PIP4K2B: variants seen among roughly 807,000 people sequenced by gnomAD.
PIP4K2B encodes phosphatidylinositol-5-phosphate 4-kinase type 2 beta, also known as phosphatidylinositol 5-phosphate 4-kinase type-2 beta.
In PIP4K2B, 3 loss-of-function variants were observed where a neutral mutation model predicts 42.0. The observed-to-expected ratio is 0.07, with a 90% CI of 0.03 to 0.18. The LOEUF is 0.18. Ranked by LOEUF, PIP4K2B falls within the 10% of genes least tolerant of loss-of-function variation. The probability of loss-of-function intolerance (pLI) is 1.00; values close to 1 mark genes in which losing one functional copy is unlikely to be tolerated. For synonymous variants in PIP4K2B, 204 were observed against 210.1 expected (o/e 0.97, Z 0.25); for missense variants, 332 against 562.3 (o/e 0.59, Z 4.14).
intron 2 of PIP4K2B, among the ~76,000 whole-genome samples, chr17:38,786,318 G>T (rs766916015): frequency 3.9e-5 from 6 of 152,204 alleles, no homozygotes; most frequent in Non-Finnish European, 7.3e-5. Flanking sequence ...TCAGACACTG[G>T]TGCTAATCCA....
At chr17:38,773,032 C>T (rs1231879568) in intron 7 of PIP4K2B, among the ~76,000 whole-genome samples, 2 of 152,154 alleles carry the variant, frequency 1.3e-5, no homozygotes, top group Non-Finnish European at 2.9e-5. Context: ...GGGTTCAGTA[C>T]TATCTGTGGC....
intron 5 of PIP4K2B, among the ~76,000 whole-genome samples, 185 bp downstream of exon 5, chr17:38,779,196 CCT>C (rs1909540934): frequency 6.6e-6 from 1 of 152,206 alleles, no homozygotes; most frequent in Non-Finnish European, 1.5e-5. Flanking sequence ...TAAATAATCT[CCT>C]GTTACTGTCA....
chr17:38,799,278 C>A lies in PIP4K2B; in HGVS notation c.147G>T (p.Gly49=), dbSNP rs751760782. 6.2e-7 allele frequency: 1 copy of A among 1,601,848 alleles called. No homozygotes were observed. The highest frequency in any genetic ancestry group is 8.5e-7 in the Non-Finnish European group (1 of 1,175,426). The part of the protein sequence containing the change: ...SEPILSVLMW[G]VNHTINELSN... ...AGGAGCTGGTTACCGTGTGGTTCAC[C>A]CCCCACATCAGGACGCTGAGGATCG... The change falls in exon 1 of 10, where the codon GGG becomes GGT. Residue 49 remains glycine, a synonymous_variant. Transcript: ENST00000619039. This position sits in a 1 kb window ranked among gnomAD's most constrained non-coding sequence, Gnocchi z 4.4.
chr17:38,795,131 TGAAAAAG>T (rs1317650444), intron 1 of PIP4K2B, among the ~76,000 whole-genome samples: 1 of 98,592 alleles, frequency 1.0e-5, no homozygotes, highest in African/African-American at 3.8e-5. Flanking sequence ...AAAAGAAAAA[TGAAAAAG>T]ACAACTCAAT....
chr17:38,790,207 C>T (rs1910271085), intron 1 of PIP4K2B, among the ~76,000 whole-genome samples: 1 of 152,180 alleles, frequency 6.6e-6, no homozygotes, highest in African/African-American at 2.4e-5. Flanking sequence ...CCAGAAGAGT[C>T]ATGCCAGTTC....
chr17:38,783,471 C>G lies in PIP4K2B; in HGVS notation c.354+772G>C, dbSNP rs919304436. On this transcript the variant is annotated intron_variant, in intron 3 of 9. Coordinates refer to ENST00000619039, the MANE Select transcript of PIP4K2B (RefSeq NM_003559.5). ...CAGACCAACTCCCCACTCCCACCAC[C>G]AGGATAGGGCACAAGTTTAGGAGGT... 5.3e-5 allele frequency among the ~76,000 whole-genome samples: 8 copies of G among 152,314 alleles called. No individual in the cohort carries two copies. The South Asian group carries it at 1.7e-3, about 32-fold the overall frequency.
Position 38,777,950 on chromosome 17 carries a change from C to T in PIP4K2B, c.694-150G>A. 6.3e-6 allele frequency: 4 copies of T among 630,652 alleles called. No individual in the cohort carries two copies. The East Asian group carries it at 8.2e-5, about 13-fold the overall frequency. The allele number at this position is 630,652 out of a possible 1,614,324, so 39.1% of individuals were successfully genotyped here. A position where few individuals can be genotyped will look rare whatever the true frequency, so the allele number is the denominator to read the frequency against. ...ACCTGCTAAATCAGCAGTGCAGGAG[C>T]CTCTAGTCCCAGGCTTTGGGTGGGC... On this transcript the variant is annotated intron_variant, in intron 6 of 9. Transcript: ENST00000619039.
At chr17:38,778,709 G>A (rs1909508828) in intron 5 of PIP4K2B, among the ~76,000 whole-genome samples, 2 of 152,196 alleles carry the variant, frequency 1.3e-5, no homozygotes, top group South Asian at 4.1e-4. Context: ...GGAGGAGCAG[G>A]ACACTCTGAA....
At chr17:38,786,466 T>A (rs976153657) in intron 2 of PIP4K2B, among the ~76,000 whole-genome samples, 6 of 152,082 alleles carry the variant, frequency 3.9e-5, no homozygotes, top group African/African-American at 1.4e-4. Flanking sequence ...CCTGGCAACC[T>A]CCTGCCTCAG....
At chr17:38,770,206 G>A (rs549303520) in intron 9 of PIP4K2B, among the ~76,000 whole-genome samples, 1 of 152,354 alleles carries the variant, frequency 6.6e-6, no homozygotes, top group South Asian at 2.1e-4. Flanking sequence ...CCGAGGGCTG[G>A]AGAACTGGGG....
intron 7 of PIP4K2B, among the ~76,000 whole-genome samples, chr17:38,774,643 G>C (rs1021245529): frequency 6.6e-6 from 1 of 151,834 alleles, no homozygotes; most frequent in African/African-American, 2.4e-5. Context: ...GGTGGTGGGC[G>C]CCTGTAGTCC....
chr17:38,797,413 T>C (rs1910710545), intron 1 of PIP4K2B, among the ~76,000 whole-genome samples: 1 of 152,176 alleles, frequency 6.6e-6, no homozygotes, highest in Non-Finnish European at 1.5e-5. Context: ...ACTTCGCATC[T>C]ATCCTGAGAC....
intron 3 of PIP4K2B, among the ~76,000 whole-genome samples, chr17:38,783,612 T>C (rs1404664549): frequency 6.6e-6 from 1 of 152,174 alleles, no homozygotes; most frequent in East Asian, 1.9e-4. Context: ...TCTCTTTTTT[T>C]TTTTTGAGAC....
chr17:38,787,950 T>C (rs1910128549), intron 1 of PIP4K2B, among the ~76,000 whole-genome samples: 1 of 152,172 alleles, frequency 6.6e-6, no homozygotes, highest in Admixed American at 6.5e-5. Flanking sequence ...GGCACCACAG[T>C]GCTTGGCACC....
chr17:38,787,934 C>T (rs74770032), intron 1 of PIP4K2B, among the ~76,000 whole-genome samples: 1,750 of 152,318 alleles, frequency 0.011, 13 homozygotes, highest in South Asian at 0.057. Context: ...TCCTACTAAT[C>T]TTTGGGGCAC....
intron 1 of PIP4K2B, among the ~76,000 whole-genome samples, chr17:38,796,518 G>T (rs994804088): frequency 1.2e-4 from 18 of 152,074 alleles, no homozygotes; most frequent in African/African-American, 4.1e-4. Flanking sequence ...CTAAAACACT[G>T]GTTTTTGCTC....
chr17:38,770,346 G>A (rs988682838), intron 9 of PIP4K2B, 90 bp downstream of exon 9: 14 of 756,102 alleles, frequency 1.9e-5, no homozygotes, highest in East Asian at 2.4e-5. Flanking sequence ...CCTTGGAGCA[G>A]GAGGCCTGAG....
Position 38,791,332 on chromosome 17 carries a change from T to A in PIP4K2B, c.160-4412A>T, listed in dbSNP as rs566220192. 4.0e-5 allele frequency among the ~76,000 whole-genome samples: 6 copies of A among 150,796 alleles called. No individual in the cohort carries two copies. The South Asian group carries it at 1.1e-3, about 27-fold the overall frequency. ...CTTAGAAATCTTCCATGGCTGCTCCTCTCAACCTCAGGGTAAAGTTTTAAC... is the reference window on the plus strand; with the variant it reads ...CTTAGAAATCTTCCATGGCTGCTCCACTCAACCTCAGGGTAAAGTTTTAAC... On this transcript the variant is annotated intron_variant, in intron 1 of 9. Coordinates refer to ENST00000619039, the MANE Select transcript of PIP4K2B (RefSeq NM_003559.5).
intron 9 of PIP4K2B, among the ~76,000 whole-genome samples, 163 bp from the exon 10 acceptor site, chr17:38,769,934 A>C (rs1908914406): frequency 6.6e-6 from 1 of 151,936 alleles, no homozygotes; most frequent in Non-Finnish European, 1.5e-5. Context: ...GAAGTGGCAT[A>C]CAAGTCCTGA....
Sources: allele counts gnomAD v4.1 joint callset (sites outside exome capture counted in the v4.1 genomes callset), GRCh38; gene constraint gnomAD v4.1.1; non-coding constraint Gnocchi (gnomAD v3.1); transcripts MANE v1.5; gene names NCBI Gene and HGNC (gene_info 2026-07-23, HGNC 2026-07-21).